The following AR variants were observed in gnomAD, a reference collection of about 807,000 sequenced individuals.
AR encodes the protein androgen receptor, also known as dihydrotestosterone receptor.
AR carries 8 observed loss-of-function variants against 53.9 expected under a neutral mutation model. That is an observed-to-expected ratio of 0.15 (90% CI 0.09 to 0.27). AR has a LOEUF of 0.27. Ranked by LOEUF, AR falls within the 10% of genes least tolerant of loss-of-function variation. The pLI is 1.00. For missense variants in AR, 639 were observed against 742.5 expected (o/e 0.86, Z 1.62); for synonymous variants, 359 against 316.4 (o/e 1.13, Z -1.43).
intron 1 of AR, among the ~76,000 whole-genome samples, chrX:67,617,544 T>C (rs1234648951): frequency 3.6e-5 from 4 of 111,928 alleles, no homozygotes; most frequent in African/African-American, 1.3e-4. Context: ...TTGAGTTTTA[T>C]AGATATCATA....
intron 1 of AR, among the ~76,000 whole-genome samples, chrX:67,641,966 T>G (rs1925798314): frequency 9.2e-6 from 1 of 109,279 alleles, no homozygotes; most frequent in Non-Finnish European, 1.9e-5. Context: ...TAATGGAAAC[T>G]GTGTTGGACT....
At chrX:67,628,246 A>G (rs986412377) in intron 1 of AR, among the ~76,000 whole-genome samples, 3 of 107,005 alleles carry the variant, frequency 2.8e-5, no homozygotes, top group Non-Finnish European at 3.9e-5. Context: ...CATTTTCACG[A>G]TATTGATTCT....
At chrX:67,629,381 A>C (rs1486780164) in intron 1 of AR, among the ~76,000 whole-genome samples, 3 of 108,953 alleles carry the variant, frequency 2.8e-5, no homozygotes, top group Non-Finnish European at 3.8e-5. Context: ...TGTATGTGTC[A>C]AGGAATTTAT....
chrX:67,627,331 C>T (rs1389070430), intron 1 of AR, among the ~76,000 whole-genome samples: 34 of 111,822 alleles, frequency 3.0e-4, no homozygotes, highest in East Asian at 5.7e-4. Flanking sequence ...TTCTAACTGG[C>T]GTGAGATGAT....
At chrX:67,640,199 T>C (rs1925671903) in intron 1 of AR, among the ~76,000 whole-genome samples, 1 of 111,455 alleles carries the variant, frequency 9.0e-6, no homozygotes, top group African/African-American at 3.3e-5. Flanking sequence ...CTTTTTGATG[T>C]GCTGCTGGAT....
chrX:67,653,862 A>T (rs957487905), intron 2 of AR, among the ~76,000 whole-genome samples: 7 of 111,706 alleles, frequency 6.3e-5, no homozygotes, highest in Admixed American at 9.6e-5. Context: ...GAACAGTAAC[A>T]TGGTTGTATT....
chrX:67,606,873 C>T (rs1027280314), intron 1 of AR, among the ~76,000 whole-genome samples: 1 of 111,606 alleles, frequency 9.0e-6, no homozygotes, highest in African/African-American at 3.3e-5. Context: ...AGTAGTTGAG[C>T]GAAAAAGGAT....
intron 2 of AR, among the ~76,000 whole-genome samples, chrX:67,651,483 A>G (rs778461273): frequency 8.1e-5 from 9 of 111,354 alleles, no homozygotes; most frequent in African/African-American, 2.9e-4. Context: ...ATCAACAGGT[A>G]GTAAATAATA....
At chrX:67,695,473 C>G in intron 3 of AR, 1 of 754,343 alleles carries the variant, frequency 1.3e-6, no homozygotes. Flanking sequence ...ATTGCTCTCT[C>G]ACATCACATG....
intron 1 of AR, among the ~76,000 whole-genome samples, chrX:67,621,001 T>C (rs776287293): frequency 8.9e-6 from 1 of 112,320 alleles, no homozygotes; most frequent in Admixed American, 9.5e-5. Flanking sequence ...AAAATGATTT[T>C]GGAGTATAGC....
intron 1 of AR, among the ~76,000 whole-genome samples, chrX:67,570,223 G>A (rs767599329): frequency 4.5e-5 from 5 of 111,989 alleles, no homozygotes; most frequent in Non-Finnish European, 9.4e-5. Context: ...AGATATTTCT[G>A]TGTAGCTGTC....
At chrX:67,665,311 C>T (rs1927207997) in intron 2 of AR, among the ~76,000 whole-genome samples, 1 of 112,571 alleles carries the variant, frequency 8.9e-6, no homozygotes, top group African/African-American at 3.2e-5. Context: ...TCATCTCAAC[C>T]CTGAGTATAA....
At position 67,724,083 on chromosome X, in the gene AR, T is replaced by C; in HGVS notation, c.*242T>C. ...TGGCACCTTCAGACTTTGCTTCCCATTGTGGCTCCTATCTGTGTTTTGAAT... is the reference window on the plus strand; with the variant it reads ...TGGCACCTTCAGACTTTGCTTCCCACTGTGGCTCCTATCTGTGTTTTGAAT... On this transcript the variant is annotated 3_prime_UTR_variant, in exon 8 of 8. Transcript: ENST00000374690. 1 of 413,509 alleles carries C rather than the reference T, an allele frequency of 2.4e-6. No homozygotes were observed. The allele number at this position is 413,509 out of a possible 1,213,427, so 34.1% of individuals were successfully genotyped here.
At chrX:67,719,456 C>T (rs1377472651) in intron 5 of AR, among the ~76,000 whole-genome samples, 4 of 111,260 alleles carry the variant, frequency 3.6e-5, no homozygotes, top group African/African-American at 9.8e-5. Context: ...TGTGGCATCC[C>T]ACCTCGGCTT....
At chrX:67,599,414 G>A (rs1923238129) in intron 1 of AR, among the ~76,000 whole-genome samples, 1 of 111,946 alleles carries the variant, frequency 8.9e-6, no homozygotes, top group African/African-American at 3.2e-5. Flanking sequence ...CTGAATTTAG[G>A]CCACTTGATT....
chrX:67,643,176 A>ATG, intron 1 of AR, 80 bp from the exon 2 acceptor site: 1 of 1,110,759 alleles, frequency 9.0e-7, no homozygotes, highest in Non-Finnish European at 1.2e-6. Flanking sequence ...CTGCAGGTTA[A>ATG]TGCTGAAGAC....
At chrX:67,647,745 A>T (rs1926123044) in intron 2 of AR, among the ~76,000 whole-genome samples, 1 of 111,513 alleles carries the variant, frequency 9.0e-6, no homozygotes, top group Non-Finnish European at 1.9e-5. Context: ...AGGGCCATGT[A>T]GTAAATATTT....
At chrX:67,695,178 GTGTC>G in intron 3 of AR, 24 of 756,841 alleles carry the variant, frequency 3.2e-5, no homozygotes, top group Non-Finnish European at 3.6e-5. Context: ...AGAAGCAACT[GTGTC>G]TGTCTGAGGT....
intron 1 of AR, among the ~76,000 whole-genome samples, chrX:67,595,704 C>T (rs889892049): frequency 1.0e-4 from 11 of 108,629 alleles, no homozygotes; most frequent in Non-Finnish European, 1.7e-4. Context: ...GTCCCAGCTA[C>T]TCAGAAGGCC....
Sources: allele counts gnomAD v4.1 joint callset (sites outside exome capture counted in the v4.1 genomes callset), GRCh38; gene constraint gnomAD v4.1.1; transcripts MANE v1.5; gene names NCBI Gene and HGNC (gene_info 2026-07-23, HGNC 2026-07-21).